Variants in SCOC observed in about 807,000 individuals in gnomAD.
The protein encoded by SCOC is short coiled-coil protein.
Under a neutral mutation model 9.9 loss-of-function variants are expected in SCOC, and 7 were observed. The ratio of observed to expected loss-of-function variants is 0.71; its 90% CI spans 0.40 to 1.33. SCOC has a LOEUF of 1.33. SCOC is among the 40% of genes most tolerant of loss of function. The probability of loss-of-function intolerance (pLI) is 0.01; values close to 1 mark genes in which losing one functional copy is unlikely to be tolerated. For missense variants in SCOC, 66 were observed against 89.7 expected, an observed-to-expected ratio of 0.74 and a Z score of 1.07; for synonymous variants, 19 against 28.2, an observed-to-expected ratio of 0.67 and a Z score of 1.03.
chr4:140,368,746 A>G (rs1223979035), upstream of SCOC, among the ~76,000 whole-genome samples: 4 of 152,210 alleles, frequency 2.6e-5, no homozygotes, highest in Non-Finnish European at 5.9e-5. Flanking sequence ...TGAATGATGC[A>G]TTCATCTTGT....
rs1728560312 is a variant in SCOC, at chr4:140,381,183, A to G, written c.*79A>G. On this transcript the variant is annotated 3_prime_UTR_variant, in exon 4 of 4. Transcript: ENST00000608372. ...AACTTGGATAGATTCCAAAAGTTAC[A>G]GTACCTTTGTGGCTTCATTGAATAT... The G allele has an allele frequency of 7.2e-7, 1 of 1,392,900 alleles. No homozygotes were observed. Among genetic ancestry groups the G allele is most frequent in the Non-Finnish European group, 9.7e-7 (1 of 1,027,076 alleles). The allele number at this position is 1,392,900 out of a possible 1,614,324, so 86.3% of individuals were successfully genotyped here. A position where few individuals can be genotyped will look rare whatever the true frequency, so the allele number is the denominator to read the frequency against.
At chr4:140,258,411 A>G (rs952174657) in intron 1 of SCOC, among the ~76,000 whole-genome samples, 3 of 152,248 alleles carry the variant, frequency 2.0e-5, no homozygotes, top group Admixed American at 1.3e-4. Flanking sequence ...CTCTATTCCT[A>G]TCTCCGTCAA....
At chr4:140,265,080 CAGTT>C (rs750231533) in intron 1 of SCOC, among the ~76,000 whole-genome samples, 28 of 152,016 alleles carry the variant, frequency 1.8e-4, no homozygotes, top group African/African-American at 3.4e-4. Flanking sequence ...TCTTTTATAT[CAGTT>C]AGGGCATTGT....
upstream of SCOC, chr4:140,373,383 G>A (rs1728146628): frequency 1.4e-6 from 2 of 1,455,406 alleles, no homozygotes; most frequent in Non-Finnish European, 9.1e-7. Flanking sequence ...CACCAGCGCC[G>A]CTTAGCTTCG....
chr4:140,263,988 C>A (rs996570353), intron 1 of SCOC, among the ~76,000 whole-genome samples: 3 of 152,064 alleles, frequency 2.0e-5, no homozygotes, highest in African/African-American at 7.2e-5. Context: ...GCAAATAAAG[C>A]AAGGGAGTGG....
upstream of SCOC, among the ~76,000 whole-genome samples, chr4:140,370,913 C>T (rs1400131413): frequency 4.1e-5 from 6 of 146,130 alleles, no homozygotes; most frequent in Non-Finnish European, 6.0e-5. Flanking sequence ...TTTTTTGAGA[C>T]GGAGTCTCAC....
intron 1 of SCOC, among the ~76,000 whole-genome samples, chr4:140,292,697 T>C (rs1028562851): frequency 3.9e-5 from 6 of 152,198 alleles, no homozygotes; most frequent in African/African-American, 1.4e-4. Context: ...GACGTTGCTG[T>C]ATCTTTCTGA....
chr4:140,330,802 A>AC (rs1364162928), intron 1 of SCOC, among the ~76,000 whole-genome samples: 1 of 152,244 alleles, frequency 6.6e-6, no homozygotes, highest in Non-Finnish European at 1.5e-5. Context: ...AAAACACTTT[A>AC]CAGATTCTGA....
chr4:140,374,009 C>A, intron 1 of SCOC: 1 of 595,498 alleles, frequency 1.7e-6, no homozygotes, highest in Non-Finnish European at 3.1e-6. Context: ...CTCCCCGCAG[C>A]TCCTGGGTCG....
intron 1 of SCOC, among the ~76,000 whole-genome samples, chr4:140,307,222 G>A (rs1486405156): frequency 6.6e-6 from 1 of 152,140 alleles, no homozygotes; most frequent in Admixed American, 6.5e-5. Context: ...TAATTACTCA[G>A]TCTAAGGTAT....
chr4:140,370,968 C>T (rs966851723), upstream of SCOC, among the ~76,000 whole-genome samples: 1 of 151,532 alleles, frequency 6.6e-6, no homozygotes, highest in Non-Finnish European at 1.5e-5. Context: ...TCACTGCAAG[C>T]TCTGCCTCCT....
intron 1 of SCOC, among the ~76,000 whole-genome samples, chr4:140,312,427 T>A (rs1732183874): frequency 6.6e-6 from 1 of 152,170 alleles, no homozygotes. Flanking sequence ...ATTTATTTAA[T>A]TAATTAATTA....
chr4:140,284,986 A>G (rs1350263024), intron 1 of SCOC: 4 of 280,974 alleles, frequency 1.4e-5, no homozygotes, highest in Non-Finnish European at 2.9e-5. Context: ...TATTCATTCC[A>G]ATTGAAAACT....
intron 1 of SCOC, among the ~76,000 whole-genome samples, chr4:140,288,162 A>C (rs1297008853): frequency 1.3e-5 from 2 of 152,034 alleles, no homozygotes; most frequent in African/African-American, 4.8e-5. Context: ...TAGATACCAC[A>C]TAGATATACT....
intron 2 of SCOC, chr4:140,361,087 T>C (rs1048221104): frequency 2.0e-5 from 3 of 152,130 alleles, no homozygotes; most frequent in Admixed American, 2.0e-4. Context: ...TCGCTACATA[T>C]TTTTGCTGGT....
intron 1 of SCOC, among the ~76,000 whole-genome samples, chr4:140,305,291 C>T (rs1201970584): frequency 6.6e-6 from 1 of 152,170 alleles, no homozygotes; most frequent in East Asian, 1.9e-4. Context: ...AGGTATACGC[C>T]TAGTCTTTCT....
intron 2 of SCOC, chr4:140,366,421 A>G: frequency 7.3e-7 from 1 of 1,366,600 alleles, no homozygotes; most frequent in Non-Finnish European, 1.0e-6. Flanking sequence ...CAGCAGCAGT[A>G]GCACGCTTCG....
chr4:140,310,754 C>CT (rs1732129990), intron 1 of SCOC, among the ~76,000 whole-genome samples: 2 of 152,150 alleles, frequency 1.3e-5, no homozygotes, highest in South Asian at 4.1e-4. Flanking sequence ...TCTGCTCTTC[C>CT]TGTCCCTTCT....
chr4:140,315,009 C>T (rs1189542032), intron 1 of SCOC, among the ~76,000 whole-genome samples: 1 of 152,188 alleles, frequency 6.6e-6, no homozygotes, highest in African/African-American at 2.4e-5. Context: ...AACATTGGGT[C>T]ACAGTTTCTA....
Sources: gnomAD v4.1 joint callset for allele counts (sites outside exome capture counted in the v4.1 genomes callset) on GRCh38, gnomAD v4.1.1 for gene constraint, MANE v1.5 for transcripts, NCBI Gene and HGNC (gene_info 2026-07-23, HGNC 2026-07-21) for gene names.